Variants in SENP3 observed in about 807,000 individuals in gnomAD.
SENP3 encodes the protein sentrin-specific protease 3.
In SENP3, 11 loss-of-function variants were observed where a neutral mutation model predicts 66.2. That is an observed-to-expected ratio of 0.17 (90% CI 0.10 to 0.28). The LOEUF is 0.28. Ranked by LOEUF, SENP3 falls within the 10% of genes least tolerant of loss-of-function variation. The probability of loss-of-function intolerance (pLI) is 1.00; values close to 1 mark genes in which losing one functional copy is unlikely to be tolerated. For missense variants in SENP3, 548 were observed against 743.7 expected, an observed-to-expected ratio of 0.74 and a Z score of 3.06; for synonymous variants, 292 against 277.6, an observed-to-expected ratio of 1.05 and a Z score of -0.52.
At position 7,563,406 on chromosome 17, in the gene SENP3, G is replaced by GCGGCGCC; in HGVS notation, c.331_332insGGCGCCC (p.Pro111ArgfsTer79). On this transcript the variant is annotated frameshift_variant, in exon 2 of 11. Transcript: ENST00000321337. LOFTEE classifies it high-confidence loss of function. ...GGAGTCAGCTGGGAACCTCCCAGCG[G>GCGGCGCC]CCCCGCCCTTCCCGCCCCACTCATC... is the stretch of plus-strand genomic sequence containing the variant. The GCGGCGCC allele has an allele frequency of 5.8e-6, 9 of 1,547,542 alleles. No homozygotes were observed. Among genetic ancestry groups the GCGGCGCC allele is most frequent in the Non-Finnish European group, 6.1e-6 (7 of 1,144,038 alleles).
rs1281626524 is a variant in SENP3 at position 7,563,801 on chromosome 17, G to GA, written c.715+13dup. 1 of 1,094,294 alleles carries GA rather than the reference G, an allele frequency of 9.1e-7. No individual in the cohort carries two copies. The allele number at this position is 1,094,294 out of a possible 1,614,324, so 67.8% of individuals were successfully genotyped here. ...CTGGACCCTGACTCGGGTAAGGTGG[G>GA]AAAGGGGTGTGGGGTTGCGGGGGAG... On this transcript the variant is annotated intron_variant, in intron 2 of 10. Transcript: ENST00000321337.
Position 7,571,636 on chromosome 17 carries a change from C to G in SENP3, c.*153C>G. 5.3e-6 allele frequency: 3 copies of G among 566,548 alleles called. No homozygotes were observed. The highest frequency in any genetic ancestry group is 6.2e-6 in the Non-Finnish European group (2 of 320,616). 35.1% of individuals were successfully genotyped at this position (566,548 alleles called of 1,614,324 possible). ...TGTTTCAATTTCTGTATTTTTTTTT[C>G]TTTGAGAGAATACTTGTTGATTTCT... On this transcript the variant is annotated 3_prime_UTR_variant, in exon 11 of 11. Transcript: ENST00000321337.
At position 7,565,504 on chromosome 17, in the gene SENP3, G is replaced by C; in HGVS notation, c.1132G>C (p.Gly378Arg). Residue 378 changes from glycine (G) to arginine (R), a missense_variant, in exon 5 of 11, where the codon GGC (glycine) becomes CGC (arginine). Physicochemically the swap from Gly to Arg is moderately radical, Grantham distance 125 (BLOSUM62 -2). Transcript: ENST00000321337. Reference protein sequence around the residue: ...QRMPGNAMVRGFRVAYKRHVL... With the variant: ...QRMPGNAMVRRFRVAYKRHVL... ...GATGCCAGGCAATGCCATGGTGAGG[G>C]GCTTCCGAGTGGCTTATAAGCGGCA... is the stretch of plus-strand genomic sequence containing the variant. The C allele has an allele frequency of 6.2e-7, 1 of 1,613,874 alleles. No homozygotes were observed.
intron 2 of SENP3, 55 bp from the exon 3 acceptor site, chr17:7,564,570 T>C (rs759526142): frequency 2.3e-5 from 37 of 1,603,580 alleles, no homozygotes; most frequent in Non-Finnish European, 2.6e-5. Flanking sequence ...GTGCATCCCA[T>C]TGTGCTTTCC....
chr17:7,563,669 G>T lies in SENP3; in HGVS notation c.593G>T (p.Gly198Val), dbSNP rs770109514. 6.2e-7 allele frequency: 1 copy of T among 1,612,512 alleles called. No individual in the cohort carries two copies. Among genetic ancestry groups the T allele is most frequent in the African/African-American group, 1.3e-5 (1 of 75,022 alleles). The part of the protein sequence containing the change: ...SPRGPPPPRL[G>V]LLGALMAEDG... ...CGGGGGCCACCTCCACCCCGGCTGG[G>T]TCTGCTAGGTGCTCTCATGGCTGAG... The change falls in exon 2 of 11, where the codon GGT becomes GTT. Residue 198 changes from glycine (G) to valine (V), a missense_variant. Around this residue, in one of 6 missense-constraint regions of SENP3, gnomAD observed 215 missense variants for 230.7 expected, o/e 0.93. Coordinates refer to ENST00000321337, the MANE Select transcript of SENP3 (RefSeq NM_015670.6).
chr17:7,570,858 G>A lies in SENP3; in HGVS notation c.1564-25G>A, dbSNP rs2071307341. On this transcript the variant is annotated intron_variant, in intron 9 of 10. Transcript: ENST00000321337. The surrounding 1 kb of genome is among the most constrained non-coding windows in gnomAD (Gnocchi z 5.4). ...TACCCCTGGGAGTCTCCATGTGAAG[G>A]GCCTGCTTTCTTTCTCTTCTCTAGA... 1.3e-5 allele frequency: 21 copies of A among 1,611,318 alleles called. No homozygotes were observed. The highest frequency in any genetic ancestry group is 1.8e-5 in the Non-Finnish European group (21 of 1,178,624).
chr17:7,563,658 A>T lies in SENP3; in HGVS notation c.582A>T (p.Pro194=). 6.2e-7 allele frequency: 1 copy of T among 1,610,938 alleles called. No homozygotes were observed. ...CRFDSPRGPP[P]PRLGLLGALM... ...TTGACTCCCCCCGGGGGCCACCTCC[A>T]CCCCGGCTGGGTCTGCTAGGTGCTC... The change falls in exon 2 of 11, where the codon CCA becomes CCT. Residue 194 remains proline, a synonymous_variant. Transcript: ENST00000321337.
At chr17:7,569,108 G>A (rs1003949880) in intron 7 of SENP3, among the ~76,000 whole-genome samples, 3 of 152,030 alleles carry the variant, frequency 2.0e-5, no homozygotes, top group Non-Finnish European at 2.9e-5. Flanking sequence ...TTTTTTTGCC[G>A]GGCGCGGTGG....
intron 7 of SENP3, among the ~76,000 whole-genome samples, chr17:7,568,540 G>C (rs920587284): frequency 6.6e-6 from 1 of 152,264 alleles, no homozygotes. Flanking sequence ...AGTGAGCCGA[G>C]ATTGTGCCAC....
intron 7 of SENP3, among the ~76,000 whole-genome samples, chr17:7,568,585 T>C (rs1391370925): frequency 6.6e-6 from 1 of 151,696 alleles, no homozygotes; most frequent in Non-Finnish European, 1.5e-5. Context: ...TGAAACTCTG[T>C]CTCAAAAAAG....
At position 7,571,762 on chromosome 17, in the gene SENP3, G is replaced by C; in HGVS notation, c.*279G>C. On this transcript the variant is annotated 3_prime_UTR_variant, in exon 11 of 11. Transcript: ENST00000321337. ...GGAGCAGTCATCCTCCCCCTTCCCC[G>C]TGCAGGGAGCAGGAAATCAGTGCTG... is the stretch of plus-strand genomic sequence containing the variant. The C allele has an allele frequency of 2.4e-5, 5 of 212,340 alleles. No homozygotes were observed. The South Asian group carries it at 2.9e-4, about 12-fold the overall frequency. 13.2% of individuals were successfully genotyped at this position (212,340 alleles called of 1,614,324 possible). A position where few individuals can be genotyped will look rare whatever the true frequency, so the allele number is the denominator to read the frequency against.
rs1178152513 is a variant in SENP3 at position 7,571,858 on chromosome 17, T to C, written c.*375T>C. On this transcript the variant is annotated 3_prime_UTR_variant, in exon 11 of 11. Coordinates refer to ENST00000321337, the MANE Select transcript of SENP3 (RefSeq NM_015670.6). ...ACTTTTATATATATATATATATATA[T>C]ATATATATATATATATATATATATA... is the stretch of plus-strand genomic sequence containing the variant. 1.3e-3 allele frequency: 4 copies of C among 3,116 alleles called. No homozygotes were observed. The highest frequency in any genetic ancestry group is 3.3e-3 in the African/African-American group (4 of 1,222). The allele number at this position is 3,116 out of a possible 1,614,324, so 0.2% of individuals were successfully genotyped here.
At chr17:7,567,521 A>G (rs1229392701) in intron 7 of SENP3, among the ~76,000 whole-genome samples, 7 of 147,262 alleles carry the variant, frequency 4.8e-5, no homozygotes, top group East Asian at 3.9e-4. Flanking sequence ...CTCCGTCTCA[A>G]AAAAAAAAAA....
chr17:7,564,430 C>T (rs927448970), intron 2 of SENP3, 195 bp from the exon 3 acceptor site: 13 of 772,016 alleles, frequency 1.7e-5, no homozygotes, highest in Non-Finnish European at 2.7e-5. Flanking sequence ...CTCTCCATCC[C>T]TGTAGAATCT....
intron 6 of SENP3, 82 bp from the exon 7 acceptor site, chr17:7,566,845 T>A: frequency 1.0e-6 from 1 of 992,764 alleles, no homozygotes; most frequent in Non-Finnish European, 1.6e-6. Context: ...GTTTTTACTG[T>A]CAGTGGACTG....
In SENP3 at chr17:7,565,026, G is replaced by C. The variant is rs2071257064; in HGVS notation, c.1023G>C (p.Glu341Asp). 1 of 1,613,724 alleles carries C rather than the reference G, an allele frequency of 6.2e-7. No individual in the cohort carries two copies. Among genetic ancestry groups the C allele is most frequent in the Non-Finnish European group, 8.5e-7 (1 of 1,179,714 alleles). The part of the protein sequence containing the change: ...LIPLSTDEVV[E>D]KLEDIFQQEF... The stretch of plus-strand genomic sequence containing the variant: ...CCCTCAGCACTGATGAGGTAGTAGA[G>C]AAGCTGGAGGACATTTTCCAGCAGG... The change falls in exon 4 of 11, where the codon GAG (glutamate) becomes GAC (aspartate). Residue 341 changes from glutamate (E) to aspartate (D), a missense_variant. By Grantham distance (45) the Glu-to-Asp change is conservative. Transcript: ENST00000321337.
chr17:7,563,819 C>CG, intron 2 of SENP3, 28 bp downstream of exon 2: 2 of 677,086 alleles, frequency 3.0e-6, no homozygotes, highest in African/African-American at 2.0e-5. Context: ...TGTGGGGTTG[C>CG]GGGGGAGGGG....
intron 2 of SENP3, 102 bp downstream of exon 2, chr17:7,563,893 G>A (rs1002876206): frequency 9.6e-6 from 10 of 1,042,852 alleles, no homozygotes; most frequent in African/African-American, 1.6e-5. Context: ...TGGGCTTAAG[G>A]AAAGTAGGAT....
At chr17:7,568,970 C>G (rs1232923282) in intron 7 of SENP3, among the ~76,000 whole-genome samples, 2 of 152,114 alleles carry the variant, frequency 1.3e-5, no homozygotes, top group Non-Finnish European at 2.9e-5. Flanking sequence ...TGGGGGATAC[C>G]CAGCTGTGTC....
Sources: allele counts gnomAD v4.1 joint callset (sites outside exome capture counted in the v4.1 genomes callset), GRCh38; gene constraint gnomAD v4.1.1; regional missense constraint gnomAD v4.1.1; non-coding constraint Gnocchi (gnomAD v3.1); transcripts MANE v1.5; gene names NCBI Gene and HGNC (gene_info 2026-07-23, HGNC 2026-07-21).